The following MMS22L variants were observed in gnomAD, a reference collection of about 807,000 sequenced individuals.
The protein encoded by MMS22L is protein MMS22-like.
In MMS22L, 74 loss-of-function variants were observed where a neutral mutation model predicts 159.1. That is an observed-to-expected ratio of 0.47 (90% CI 0.39 to 0.56). MMS22L has a LOEUF of 0.56. Ranked by LOEUF, MMS22L falls within the 20% of genes least tolerant of loss-of-function variation. The probability of loss-of-function intolerance (pLI) is 0.00; values close to 1 mark genes in which losing one functional copy is unlikely to be tolerated. For missense variants in MMS22L, 1,351 were observed against 1,422.1 expected, an observed-to-expected ratio of 0.95 and a Z score of 0.80; for synonymous variants, 517 against 506.9, an observed-to-expected ratio of 1.02 and a Z score of -0.27.
At chr6:97,259,188 T>C (rs1814168003) in intron 9 of MMS22L, 1 of 152,226 alleles carries the variant, frequency 6.6e-6, no homozygotes, top group Admixed American at 6.6e-5. Context: ...GAACTTTATT[T>C]CTATCATTTA....
At chr6:97,159,229 T>C (rs899238953) in intron 22 of MMS22L, among the ~76,000 whole-genome samples, 3 of 151,892 alleles carry the variant, frequency 2.0e-5, no homozygotes. Context: ...ATACTGCACA[T>C]TGATAAATCT....
rs1800934906 is a variant in MMS22L, at chr6:97,146,589, C to T, written c.*217G>A. 9.1e-6 allele frequency: 3 copies of T among 331,234 alleles called. No homozygotes were observed. Among genetic ancestry groups the T allele is most frequent in the Non-Finnish European group, 1.1e-5 (2 of 180,332 alleles). 20.5% of individuals were successfully genotyped at this position (331,234 alleles called of 1,614,324 possible). On this transcript the variant is annotated 3_prime_UTR_variant, in exon 25 of 25. Coordinates refer to ENST00000683635, the MANE Select transcript of MMS22L (RefSeq NM_001350599.2). ...ACTAAAATTTCATCAAGGTAGAATG[C>T]AGTTTTGTAAAAAGTTCCAAGGATC...
chr6:97,154,703 A>G (rs907049727), intron 22 of MMS22L, among the ~76,000 whole-genome samples: 18 of 152,304 alleles, frequency 1.2e-4, no homozygotes, highest in African/African-American at 4.3e-4. Context: ...TGAAAAGACT[A>G]CTTTTCCCCA....
At chr6:97,254,854 G>A (rs1813621969) in intron 9 of MMS22L, 121 bp from the exon 10 acceptor site, 1 of 726,446 alleles carries the variant, frequency 1.4e-6, no homozygotes. Flanking sequence ...ATATAAAACT[G>A]AAATAATAAA....
intron 11 of MMS22L, among the ~76,000 whole-genome samples, chr6:97,244,721 C>G (rs1460803729): frequency 6.6e-6 from 1 of 152,040 alleles, no homozygotes; most frequent in Non-Finnish European, 1.5e-5. Flanking sequence ...AATTGTAGGA[C>G]CTTGTGATCA....
chr6:97,149,872 C>A lies in MMS22L; in HGVS notation c.3631G>T (p.Gly1211Cys). 1 of 1,611,378 alleles carries A rather than the reference C, an allele frequency of 6.2e-7. No homozygotes were observed. The highest frequency in any genetic ancestry group is 8.5e-7 in the Non-Finnish European group (1 of 1,178,624). ...LKDSEQKWGL[G>C]RNIAQREAYS... is the part of the protein sequence containing the mutation. ...ACATACCTTTGTGCTATATTCCTGC[C>A]AAGGCCCCATTTCTGCTCTGAATCC... The change falls in exon 24 of 25, where the codon GGC (glycine) becomes TGC (cysteine). Residue 1211 changes from glycine (G) to cysteine (C), a missense_variant. By Grantham distance (159) the Gly-to-Cys change is radical (BLOSUM62 -3). Coordinates refer to ENST00000683635, the MANE Select transcript of MMS22L (RefSeq NM_001350599.2).
intron 11 of MMS22L, among the ~76,000 whole-genome samples, chr6:97,235,433 A>T (rs1343363114): frequency 6.6e-6 from 1 of 152,206 alleles, no homozygotes; most frequent in Non-Finnish European, 1.5e-5. Flanking sequence ...GGTCAATGAT[A>T]AAAGGATCCA....
At chr6:97,224,386 A>G (rs1809994228) in intron 14 of MMS22L, among the ~76,000 whole-genome samples, 1 of 152,190 alleles carries the variant, frequency 6.6e-6, no homozygotes, top group Non-Finnish European at 1.5e-5. Context: ...TTTGGCTTTA[A>G]TGCTAAAGGA....
At chr6:97,257,977 T>C (rs1017001363) in intron 9 of MMS22L, among the ~76,000 whole-genome samples, 6 of 152,220 alleles carry the variant, frequency 3.9e-5, no homozygotes, top group Admixed American at 6.5e-5. Flanking sequence ...ACAATTACCA[T>C]GGAGGTTGTC....
Position 97,229,399 on chromosome 6 carries a change from A to C in MMS22L, c.1534T>G (p.Tyr512Asp), listed in dbSNP as rs770340126. 1 of 1,545,650 alleles carries C rather than the reference A, an allele frequency of 6.5e-7. No individual in the cohort carries two copies. The highest frequency in any genetic ancestry group is 8.7e-7 in the Non-Finnish European group (1 of 1,145,130). Reference protein sequence around the residue: ...HPWKQVKGRIYSKFHQKRMEE... With the variant: ...HPWKQVKGRIDSKFHQKRMEE... ...ATTCTTTTTTGATGGAATTTTGAAT[A>C]TATTCTGTAAAACATTAAAAAATGC... The change falls in exon 14 of 25, where the codon TAT becomes GAT. Residue 512 changes from tyrosine (Y) to aspartate (D), a missense_variant. Coordinates refer to ENST00000683635, the MANE Select transcript of MMS22L (RefSeq NM_001350599.2).
At chr6:97,246,289 A>G (rs1812634273) in intron 11 of MMS22L, 1 of 375,926 alleles carries the variant, frequency 2.7e-6, no homozygotes, top group Non-Finnish European at 5.1e-6. Context: ...ATGAGGATAT[A>G]GCTGAATTTT....
intron 17 of MMS22L, 79 bp downstream of exon 17, chr6:97,179,329 T>A: frequency 8.2e-7 from 1 of 1,220,916 alleles, no homozygotes; most frequent in Non-Finnish European, 1.1e-6. Flanking sequence ...TTTCTATTAA[T>A]TACATAACAA....
chr6:97,161,884 T>C (rs1021619172), intron 22 of MMS22L, 118 bp downstream of exon 22: 7 of 943,444 alleles, frequency 7.4e-6, no homozygotes, highest in Non-Finnish European at 1.1e-5. Context: ...CCATGACCCA[T>C]ATCAAGAGAT....
intron 14 of MMS22L, among the ~76,000 whole-genome samples, chr6:97,222,620 T>G (rs982746357): frequency 1.3e-5 from 2 of 152,060 alleles, no homozygotes; most frequent in Non-Finnish European, 2.9e-5. Flanking sequence ...AATTTATTGT[T>G]TCTTTTTAAA....
At chr6:97,267,789 T>C (rs1815294769) in intron 8 of MMS22L, 83 bp downstream of exon 8, 11 of 1,227,256 alleles carry the variant, frequency 9.0e-6, no homozygotes, top group South Asian at 3.0e-5. Flanking sequence ...CATTTTAGTT[T>C]AAATTCTTAC....
chr6:97,189,615 T>C (rs1160168997), intron 14 of MMS22L, among the ~76,000 whole-genome samples: 1 of 80,846 alleles, frequency 1.2e-5, no homozygotes, highest in Non-Finnish European at 2.7e-5. Flanking sequence ...CATTGTGAGG[T>C]AAAAAATTTT....
At chr6:97,231,734 T>C in intron 12 of MMS22L, 82 bp from the exon 13 acceptor site, 1 of 981,502 alleles carries the variant, frequency 1.0e-6, no homozygotes, top group Non-Finnish European at 1.5e-6. Context: ...CCCAGTTAGT[T>C]GGTTCATCAA....
chr6:97,260,130 G>A (rs907561269), intron 9 of MMS22L: 1 of 152,172 alleles, frequency 6.6e-6, no homozygotes, highest in Non-Finnish European at 1.5e-5. Context: ...AACAGTTTTA[G>A]TAAGACTTGT....
At chr6:97,148,132 TTGTAA>T (rs1281344196) in intron 24 of MMS22L, among the ~76,000 whole-genome samples, 2 of 152,194 alleles carry the variant, frequency 1.3e-5, no homozygotes, top group East Asian at 3.9e-4. Context: ...GTTGTAGCCA[TTGTAA>T]TGTCTTAGTG....
Sources: allele counts gnomAD v4.1 joint callset (sites outside exome capture counted in the v4.1 genomes callset), GRCh38; gene constraint gnomAD v4.1.1; transcripts MANE v1.5; gene names NCBI Gene and HGNC (gene_info 2026-07-23, HGNC 2026-07-21).